CHD2: variants seen among roughly 807,000 people sequenced by gnomAD.
The protein encoded by CHD2 is chromodomain helicase DNA binding protein 2, also known as ATP-dependent chromatin remodeler CHD2.
Under a neutral mutation model 243.9 loss-of-function variants are expected in CHD2, and 28 were observed. That is an observed-to-expected ratio of 0.11 (90% CI 0.09 to 0.16). The LOEUF (loss-of-function observed/expected upper bound fraction) is 0.16. CHD2 is among the 10% of genes least tolerant of loss of function. The probability of loss-of-function intolerance (pLI) is 1.00; values close to 1 mark genes in which losing one functional copy is unlikely to be tolerated. For synonymous variants in CHD2, 775 were observed against 779.0 expected (o/e 0.99, Z 0.09); for missense variants, 1,386 against 2,209.8 (o/e 0.63, Z 7.47).
chr15:93,019,891 C>T, intron 37 of CHD2, 121 bp from the exon 38 acceptor site: 1 of 1,167,368 alleles, frequency 8.6e-7, no homozygotes, highest in South Asian at 1.6e-5. Context: ...TAAGATCGTG[C>T]CACTGCACTC....
At chr15:92,944,073 T>A (rs1359022145) in intron 9 of CHD2, 1 of 158,484 alleles carries the variant, frequency 6.3e-6, no homozygotes, top group East Asian at 1.8e-4. Flanking sequence ...AGAAAAGGCG[T>A]ACAGTTTTAT....
intron 16 of CHD2, among the ~76,000 whole-genome samples, chr15:92,957,090 T>G (rs1416596779): frequency 6.6e-6 from 1 of 152,234 alleles, no homozygotes; most frequent in Non-Finnish European, 1.5e-5. Flanking sequence ...GAAAAGATTT[T>G]TATGGGAGAG....
intron 2 of CHD2, among the ~76,000 whole-genome samples, chr15:92,921,733 T>C (rs944424852): frequency 6.6e-6 from 1 of 152,184 alleles, no homozygotes. Context: ...TTGGCATTTA[T>C]AGGGCACTGC....
rs2054215440 is a variant in CHD2, at chr15:92,998,802, G to A, written c.4008+181G>A. Among the ~76,000 whole-genome samples the A allele has an allele frequency of 6.6e-6, 1 of 152,106 alleles. No individual in the cohort carries two copies. The highest frequency in any genetic ancestry group is 2.4e-5 in the African/African-American group (1 of 41,426). ...TGGTAATAATAGAAATGTTCATTTA[G>A]GCCTGGCGCAGTGGCTCATGCCTGT... On this transcript the variant is annotated intron_variant, in intron 31 of 38. Coordinates refer to ENST00000394196, the MANE Select transcript of CHD2 (RefSeq NM_001271.4). The surrounding 1 kb of genome is among the most constrained non-coding windows in gnomAD (Gnocchi z 5.1).
intron 36 of CHD2, among the ~76,000 whole-genome samples, chr15:93,013,058 A>G (rs2054412480): frequency 6.6e-6 from 1 of 152,184 alleles, no homozygotes; most frequent in African/African-American, 2.4e-5. Flanking sequence ...CAGCTCCATG[A>G]AGACAGAGAT....
intron 34 of CHD2, among the ~76,000 whole-genome samples, chr15:93,006,784 C>T (rs1391993522): frequency 6.6e-6 from 1 of 152,172 alleles, no homozygotes; most frequent in Non-Finnish European, 1.5e-5. Context: ...GGATTGATTT[C>T]CATGTCTTAA....
intron 10 of CHD2, chr15:92,945,591 T>G: frequency 4.3e-6 from 1 of 231,854 alleles, no homozygotes; most frequent in Non-Finnish European, 8.4e-6. Flanking sequence ...AGAGACAGAG[T>G]TTCACCATGT....
At chr15:92,950,128 G>A (rs911510778) in intron 13 of CHD2, among the ~76,000 whole-genome samples, 16 of 152,234 alleles carry the variant, frequency 1.1e-4, no homozygotes, top group African/African-American at 2.9e-4. Flanking sequence ...ACATGTCTGA[G>A]CAGGTTATAG....
rs147521405 is a variant in CHD2 at position 92,994,149 on chromosome 15, G to A, written c.3595+1151G>A. On this transcript the variant is annotated intron_variant, in intron 28 of 38. Coordinates refer to ENST00000394196, the MANE Select transcript of CHD2 (RefSeq NM_001271.4). ...TAAATCTTCAGGCTCCAGAGAAAGA[G>A]GCAGTCAGTTATCTGGAATTTTGGT... Among the ~76,000 whole-genome samples the A allele has an allele frequency of 2.0e-5, 3 of 152,296 alleles. No homozygotes were observed. In the East Asian group the frequency reaches 5.8e-4, roughly 29 times the overall value.
chr15:92,997,507 A>T lies in CHD2; in HGVS notation c.3885+104A>T. The T allele has an allele frequency of 2.0e-6, 2 of 1,019,780 alleles. No homozygotes were observed. The highest frequency in any genetic ancestry group is 3.3e-5 in the Admixed American group (1 of 30,468). The allele number at this position is 1,019,780 out of a possible 1,614,324, so 63.2% of individuals were successfully genotyped here. A position where few individuals can be genotyped will look rare whatever the true frequency, so the allele number is the denominator to read the frequency against. ...ATTTTCGAGGGGGCATCAAATTAGA[A>T]ATTAGTATAGTCATTCTTGGAAATA... is the stretch of plus-strand genomic sequence containing the variant. On this transcript the variant is annotated intron_variant, in intron 30 of 38. Coordinates refer to ENST00000394196, the MANE Select transcript of CHD2 (RefSeq NM_001271.4). The surrounding 1 kb of genome is among the most constrained non-coding windows in gnomAD (Gnocchi z 4.1).
chr15:92,983,130 CT>C lies in CHD2; in HGVS notation c.3067-1199del, dbSNP rs564829274. Among the ~76,000 whole-genome samples the C allele has an allele frequency of 1.6e-4, 24 of 152,248 alleles. No homozygotes were observed. The South Asian group carries it at 3.9e-3, about 25-fold the overall frequency. On this transcript the variant is annotated intron_variant, in intron 24 of 38. Coordinates refer to ENST00000394196, the MANE Select transcript of CHD2 (RefSeq NM_001271.4). ...ATTATGAGGGCTCTACCCTCATGAC[CT>C]CCTAACACCTTACATTGGGAGTTAG...
At chr15:93,016,124 T>G (rs1334450138) in intron 37 of CHD2, among the ~76,000 whole-genome samples, 1 of 152,158 alleles carries the variant, frequency 6.6e-6, no homozygotes, top group Non-Finnish European at 1.5e-5. Context: ...CATCAGCAGG[T>G]GAGTGGATAA....
chr15:92,986,398 T>A (rs1037577683), intron 26 of CHD2, among the ~76,000 whole-genome samples: 4 of 152,210 alleles, frequency 2.6e-5, no homozygotes, highest in Non-Finnish European at 4.4e-5. Context: ...TTAAGTTTCA[T>A]GTATTTGAAA....
intron 15 of CHD2, among the ~76,000 whole-genome samples, chr15:92,955,922 T>G (rs1243869748): frequency 2.6e-5 from 4 of 152,208 alleles, no homozygotes; most frequent in African/African-American, 4.8e-5. Context: ...ATTGTATCAT[T>G]GTTAAGGCAT....
At chr15:93,000,384 T>TAAAA in intron 31 of CHD2, 128 bp from the exon 32 acceptor site, 2 of 1,007,200 alleles carry the variant, frequency 2.0e-6, no homozygotes. Flanking sequence ...TGCACTCTTT[T>TAAAA]GATTTCTTTG....
At chr15:93,018,739 A>G (rs1277377654) in intron 37 of CHD2, among the ~76,000 whole-genome samples, 1 of 151,942 alleles carries the variant, frequency 6.6e-6, no homozygotes, top group Non-Finnish European at 1.5e-5. Flanking sequence ...TTCTTGACTC[A>G]CGCCGATTTC....
At chr15:92,934,566 A>C (rs1293148497) in intron 5 of CHD2, among the ~76,000 whole-genome samples, 1 of 152,232 alleles carries the variant, frequency 6.6e-6, no homozygotes, top group Non-Finnish European at 1.5e-5. Context: ...GAGTCTTGAT[A>C]AGATTTGCAT....
intron 6 of CHD2, among the ~76,000 whole-genome samples, chr15:92,939,251 C>T (rs1451790695): frequency 6.6e-6 from 1 of 152,130 alleles, no homozygotes; most frequent in African/African-American, 2.4e-5. Context: ...TTCCAGTTTG[C>T]CCACCAAAGA....
chr15:92,942,965 A>C lies in CHD2; in HGVS notation c.949A>C (p.Ile317Leu), dbSNP rs750380444. 1.2e-5 allele frequency: 20 copies of C among 1,614,028 alleles called. No homozygotes were observed. The highest frequency in any genetic ancestry group is 1.7e-5 in the Non-Finnish European group (20 of 1,179,992). Reference sequence around the variant, plus strand: ...CATCAAGTGGAAGGGTTGGTCTTACATCCACAGCACATGGGAGAGTGAAGA... The same window carrying C: ...CATCAAGTGGAAGGGTTGGTCTTACCTCCACAGCACATGGGAGAGTGAAGA... ...YLIKWKGWSY[I>L]HSTWESEESL... The change falls in exon 9 of 39, where the codon ATC becomes CTC. Residue 317 changes from isoleucine (I) to leucine (L), a missense_variant. Around this residue, in one of 19 missense-constraint regions of CHD2, gnomAD observed 200 missense variants for 292.5 expected, o/e 0.68. Coordinates refer to ENST00000394196, the MANE Select transcript of CHD2 (RefSeq NM_001271.4).
Sources: allele counts gnomAD v4.1 joint callset (sites outside exome capture counted in the v4.1 genomes callset), GRCh38; gene constraint gnomAD v4.1.1; regional missense constraint gnomAD v4.1.1; non-coding constraint Gnocchi (gnomAD v3.1); transcripts MANE v1.5; gene names NCBI Gene and HGNC (gene_info 2026-07-23, HGNC 2026-07-21).